Variants in STAT5B observed in about 807,000 individuals in gnomAD.
STAT5B encodes signal transducer and activator of transcription 5B.
A neutral mutation model predicts 107.8 loss-of-function variants in STAT5B; 21 were observed. The ratio of observed to expected loss-of-function variants is 0.19; its 90% CI spans 0.14 to 0.28. The LOEUF (loss-of-function observed/expected upper bound fraction) is 0.28. STAT5B is among the 10% of genes least tolerant of loss of function. The pLI is 1.00. For missense variants in STAT5B, 565 were observed against 1,008.2 expected (o/e 0.56, Z 5.95); for synonymous variants, 325 against 401.7 (o/e 0.81, Z 2.28).
At position 42,201,206 on chromosome 17, in the gene STAT5B, C is replaced by A; in HGVS notation, c.*532G>T. The A allele has an allele frequency of 2.4e-6, 1 of 416,402 alleles. No individual in the cohort carries two copies. The highest frequency in any genetic ancestry group is 3.4e-5 in the East Asian group (1 of 29,110). The allele number at this position is 416,402 out of a possible 1,614,324, so 25.8% of individuals were successfully genotyped here. ...ACAGGGGTGGGGGAGAGGGAAGGCTCTCTTTGTCAAAAAGCAGTTATCTAC... is the reference window on the plus strand; with the variant it reads ...ACAGGGGTGGGGGAGAGGGAAGGCTATCTTTGTCAAAAAGCAGTTATCTAC... On this transcript the variant is annotated 3_prime_UTR_variant, in exon 19 of 19. Coordinates refer to ENST00000293328, the MANE Select transcript of STAT5B (RefSeq NM_012448.4).
intron 2 of STAT5B, among the ~76,000 whole-genome samples, chr17:42,228,821 C>A (rs990514203): frequency 2.6e-5 from 4 of 152,174 alleles, no homozygotes; most frequent in African/African-American, 7.2e-5. Flanking sequence ...GTAGTCCCAG[C>A]TACTTGGGAG....
intron 1 of STAT5B, among the ~76,000 whole-genome samples, chr17:42,263,611 C>G (rs1032363188): frequency 1.3e-5 from 2 of 152,130 alleles, no homozygotes; most frequent in South Asian, 2.1e-4. Flanking sequence ...ATTGCAGCCT[C>G]GAACTCCCAG....
chr17:42,229,188 C>T (rs979034697), intron 2 of STAT5B, among the ~76,000 whole-genome samples: 6 of 152,184 alleles, frequency 3.9e-5, no homozygotes, highest in African/African-American at 7.2e-5. Context: ...CTCACTCTGT[C>T]ACCCAGGCTG....
At chr17:42,261,439 G>A (rs1373839493) in intron 1 of STAT5B, among the ~76,000 whole-genome samples, 2 of 152,212 alleles carry the variant, frequency 1.3e-5, no homozygotes, top group Admixed American at 6.5e-5. Context: ...AAAGTACTAC[G>A]TGATTTTTAA....
At chr17:42,264,748 G>T (rs1173979962) in intron 1 of STAT5B, among the ~76,000 whole-genome samples, 1 of 142,540 alleles carries the variant, frequency 7.0e-6, no homozygotes, top group African/African-American at 2.6e-5. Flanking sequence ...GGGTCAAATG[G>T]TATTTCTAGT....
intron 5 of STAT5B, 118 bp from the exon 6 acceptor site, chr17:42,219,960 G>A (rs899288479): frequency 5.6e-5 from 85 of 1,507,732 alleles, no homozygotes; most frequent in Admixed American, 1.9e-4. Context: ...CTGCATTAAG[G>A]GCAAGTCGGG....
intron 1 of STAT5B, among the ~76,000 whole-genome samples, chr17:42,246,375 ATAAAG>A (rs1436786799): frequency 6.6e-6 from 1 of 152,184 alleles, no homozygotes; most frequent in Non-Finnish European, 1.5e-5. Context: ...ATTCAGAATT[ATAAAG>A]TAAAAATTCA....
chr17:42,229,113 CCT>C (rs112143477), intron 2 of STAT5B, among the ~76,000 whole-genome samples: 2,054 of 152,244 alleles, frequency 0.013, 57 homozygotes, highest in African/African-American at 0.047. Context: ...CAGCCCTGCA[CCT>C]CTGTTTCAAC....
chr17:42,216,450 C>A (rs1241658736), intron 11 of STAT5B, among the ~76,000 whole-genome samples: 4 of 152,220 alleles, frequency 2.6e-5, no homozygotes, highest in Non-Finnish European at 5.9e-5. Flanking sequence ...TACTCAAATT[C>A]ATCCCAAGTA....
At chr17:42,236,054 G>A (rs1194695641) in intron 1 of STAT5B, among the ~76,000 whole-genome samples, 1 of 152,096 alleles carries the variant, frequency 6.6e-6, no homozygotes, top group Non-Finnish European at 1.5e-5. Context: ...TGAGCTCTTA[G>A]AATTTGTAGA....
At chr17:42,263,871 GCACACACA>G (rs3222522) in intron 1 of STAT5B, among the ~76,000 whole-genome samples, 3,212 of 144,992 alleles carry the variant, frequency 0.022, 45 homozygotes, top group Middle Eastern at 0.064. Flanking sequence ...TAGAAAGCGC[GCACACACA>G]CACACACACA....
At chr17:42,258,483 A>G (rs2080566098) in intron 1 of STAT5B, among the ~76,000 whole-genome samples, 1 of 152,176 alleles carries the variant, frequency 6.6e-6, no homozygotes. Context: ...GTTTGAGACC[A>G]GCCTGACGAA....
intron 1 of STAT5B, among the ~76,000 whole-genome samples, chr17:42,250,721 G>C (rs1226115203): frequency 2.0e-5 from 3 of 151,904 alleles, no homozygotes; most frequent in Non-Finnish European, 4.4e-5. Flanking sequence ...TCAGGAGATC[G>C]AGACCATCCT....
chr17:42,274,081 T>G (rs2080743290), intron 1 of STAT5B, among the ~76,000 whole-genome samples: 1 of 152,072 alleles, frequency 6.6e-6, no homozygotes, highest in African/African-American at 2.4e-5. Flanking sequence ...ACACCTTAAA[T>G]TTCTGAACAC....
chr17:42,217,143 C>A lies in STAT5B; in HGVS notation c.1380+17G>T. The A allele has an allele frequency of 1.2e-6, 2 of 1,606,928 alleles. No homozygotes were observed. Among genetic ancestry groups the A allele is most frequent in the Non-Finnish European group, 1.7e-6 (2 of 1,176,726 alleles). On this transcript the variant is annotated intron_variant, in intron 11 of 18. Coordinates refer to ENST00000293328, the MANE Select transcript of STAT5B (RefSeq NM_012448.4). ...CACACACGCACACGCACACGCAGAGCTGAGGGAAGGCTTTACCTTGACTTG... is the reference window on the plus strand; with the variant it reads ...CACACACGCACACGCACACGCAGAGATGAGGGAAGGCTTTACCTTGACTTG...
At chr17:42,202,228 G>T in intron 18 of STAT5B, 112 bp downstream of exon 18, 1 of 1,271,000 alleles carries the variant, frequency 7.9e-7, no homozygotes, top group Non-Finnish European at 1.1e-6. Flanking sequence ...GGGCTGTGTG[G>T]TCTCAGACCT....
chr17:42,263,869 G>GCACA (rs1555553698), intron 1 of STAT5B, among the ~76,000 whole-genome samples: 5 of 63,556 alleles, frequency 7.9e-5, no homozygotes, highest in African/African-American at 2.4e-4. Context: ...ACTAGAAAGC[G>GCACA]CGCACACACA....
rs57573850 is a variant in STAT5B, at chr17:42,201,524, G to GCACACACACACA, written c.*202_*213dup. On this transcript the variant is annotated 3_prime_UTR_variant, in exon 19 of 19. Coordinates refer to ENST00000293328, the MANE Select transcript of STAT5B (RefSeq NM_012448.4). ...GAGAAACACCATAACGTGCAAACAC[G>GCACACACACACA]CACACACACACACACACACACACAC... 9.7e-6 allele frequency: 6 copies of GCACACACACACA among 617,406 alleles called. No homozygotes were observed. The highest frequency in any genetic ancestry group is 3.7e-5 in the South Asian group (2 of 54,102). 38.2% of individuals were successfully genotyped at this position (617,406 alleles called of 1,614,324 possible).
intron 13 of STAT5B, 55 bp downstream of exon 13, chr17:42,211,929 G>A: frequency 1.3e-6 from 2 of 1,563,806 alleles, no homozygotes; most frequent in East Asian, 2.4e-5. Flanking sequence ...AGACTCCTGA[G>A]AGCATCTGGT....
Sources: allele counts gnomAD v4.1 joint callset (sites outside exome capture counted in the v4.1 genomes callset), GRCh38; gene constraint gnomAD v4.1.1; transcripts MANE v1.5; gene names NCBI Gene and HGNC (gene_info 2026-07-23, HGNC 2026-07-21).